The following ROPN1L variants were observed in gnomAD, a reference collection of about 807,000 sequenced individuals.
ROPN1L encodes the protein ropporin-1-like protein.
Under a neutral mutation model 22.7 loss-of-function variants are expected in ROPN1L, and 23 were observed. That is an observed-to-expected ratio of 1.01 (90% confidence interval 0.73 to 1.43). The LOEUF (loss-of-function observed/expected upper bound fraction) is 1.43. Ranked by LOEUF, ROPN1L falls within the 40% of genes most tolerant of loss-of-function variation. The pLI is 0.00. For synonymous variants in ROPN1L, 116 were observed against 117.8 expected (o/e 0.98, Z 0.10); for missense variants, 271 against 291.5 (o/e 0.93, Z 0.51).
chr5:10,461,781 C>T (rs1351177852), intron 4 of ROPN1L, among the ~76,000 whole-genome samples: 1 of 152,238 alleles, frequency 6.6e-6, no homozygotes, highest in Non-Finnish European at 1.5e-5. Context: ...GTTCACAGAA[C>T]TCAGGGAAAC....
downstream of ROPN1L, among the ~76,000 whole-genome samples, chr5:10,469,162 A>G (rs1398665272): frequency 6.7e-6 from 1 of 149,880 alleles, no homozygotes; most frequent in Non-Finnish European, 1.5e-5. Context: ...AAAAAAATAA[A>G]AATTAAATAA....
rs538341746 is a variant in ROPN1L, at chr5:10,446,403, A to C, written c.132-1857A>C. On this transcript the variant is annotated intron_variant, in intron 1 of 4. Transcript: ENST00000274134. ...GCCGGGTGCGGTGGCTCACGCCTGT[A>C]ATCCTAGCATTTTGGGAGGCTGAGG... 7.2e-5 allele frequency among the ~76,000 whole-genome samples: 11 copies of C among 152,282 alleles called. No individual in the cohort carries two copies. The South Asian group carries it at 2.3e-3, about 32-fold the overall frequency.
downstream of ROPN1L, among the ~76,000 whole-genome samples, chr5:10,467,099 C>T (rs1361826536): frequency 4.6e-5 from 7 of 152,040 alleles, no homozygotes; most frequent in African/African-American, 7.2e-5. Flanking sequence ...CTGGGGGTTC[C>T]GACTTCACCT....
downstream of ROPN1L, among the ~76,000 whole-genome samples, chr5:10,466,653 C>A (rs1337031330): frequency 6.6e-6 from 1 of 152,120 alleles, no homozygotes; most frequent in African/African-American, 2.4e-5. Flanking sequence ...TGTGATGAGG[C>A]CCGTCCCTGC....
At chr5:10,458,404 G>A (rs1243177491) in intron 3 of ROPN1L, among the ~76,000 whole-genome samples, 5 of 151,398 alleles carry the variant, frequency 3.3e-5, no homozygotes, top group South Asian at 2.1e-4. Flanking sequence ...CGTCCTGCTC[G>A]TATACACTAC....
chr5:10,477,067 T>C, the ROPN1L span, among the ~76,000 whole-genome samples: 2 of 152,236 alleles, frequency 1.3e-5, no homozygotes, highest in African/African-American at 4.8e-5. Context: ...AATATGAAAA[T>C]GAGTGAGTGT....
chr5:10,453,424 T>C (rs1461051490), intron 3 of ROPN1L, among the ~76,000 whole-genome samples: 1 of 152,136 alleles, frequency 6.6e-6, no homozygotes, highest in African/African-American at 2.4e-5. Context: ...GGAGGTGTGC[T>C]AAGAACACAA....
downstream of ROPN1L, among the ~76,000 whole-genome samples, chr5:10,469,849 A>G (rs929290861): frequency 2.0e-5 from 3 of 152,242 alleles, no homozygotes; most frequent in African/African-American, 7.2e-5. Context: ...CTTACCCAGC[A>G]TGGTGGAGTT....
intron 3 of ROPN1L, among the ~76,000 whole-genome samples, chr5:10,450,796 G>A (rs35055152): frequency 1.3e-5 from 2 of 152,292 alleles, no homozygotes; most frequent in South Asian, 2.1e-4. Flanking sequence ...GAGCCACCGC[G>A]CCGGCCTTAG....
chr5:10,454,145 G>A (rs1415504583), intron 3 of ROPN1L, among the ~76,000 whole-genome samples: 1 of 149,892 alleles, frequency 6.7e-6, no homozygotes, highest in Non-Finnish European at 1.5e-5. Flanking sequence ...TTTTTTTTAA[G>A]AGACAGGGTC....
intron 1 of ROPN1L, among the ~76,000 whole-genome samples, chr5:10,446,372 C>T (rs745455995): frequency 5.9e-5 from 9 of 152,136 alleles, no homozygotes; most frequent in Non-Finnish European, 1.0e-4. Context: ...TCAAAAATGT[C>T]TCCAGGCCGG....
At position 10,459,020 on chromosome 5, in the gene ROPN1L, G is replaced by T. The variant is rs375730664; in HGVS notation, c.418-2164G>T. The stretch of plus-strand genomic sequence containing the variant: ...TCGCCCATGCTCCCAAGTCTCCTCC[G>T]TGAGCGCTAGGCCTACTAAGTAGCC... On this transcript the variant is annotated intron_variant, in intron 3 of 4. Transcript: ENST00000274134. 3.6e-5 allele frequency among the ~76,000 whole-genome samples: 5 copies of T among 138,168 alleles called. No homozygotes were observed. The South Asian group carries it at 9.2e-4, about 26-fold the overall frequency. The allele number at this position is 138,168 out of a possible 152,430, so 90.6% of individuals were successfully genotyped here. A position where few individuals can be genotyped will look rare whatever the true frequency, so the allele number is the denominator to read the frequency against.
chr5:10,465,747 G>A (rs1188224607), downstream of ROPN1L, among the ~76,000 whole-genome samples: 1 of 151,958 alleles, frequency 6.6e-6, no homozygotes, highest in African/African-American at 2.4e-5. Flanking sequence ...AGCTACTCAG[G>A]AGGCTGAGGC....
At position 10,462,096 on chromosome 5, in the gene ROPN1L, C is replaced by T. The variant is rs6884445; in HGVS notation, c.593+737C>T. On this transcript the variant is annotated intron_variant, in intron 4 of 4. Transcript: ENST00000274134. The stretch of plus-strand genomic sequence containing the variant: ...CCTAAGCCATCAGCCCCTCTCCCCA[C>T]CTCCAAGGTTGGGCTGGGCTGAAAG... Among the ~76,000 whole-genome samples the T allele has an allele frequency of 2.5e-3, 387 of 152,326 alleles. 5 individuals are homozygous for T. Among genetic ancestry groups the T allele is most frequent in the African/African-American group, 8.8e-3 (365 of 41,564 alleles).
intron 3 of ROPN1L, among the ~76,000 whole-genome samples, chr5:10,456,923 G>A (rs993880644): frequency 5.9e-5 from 9 of 152,084 alleles, no homozygotes; most frequent in African/African-American, 1.4e-4. Context: ...CTTCCTTTCC[G>A]ACTCATCCTT....
chr5:10,454,765 G>T (rs2126448678), intron 3 of ROPN1L, among the ~76,000 whole-genome samples: 1 of 152,334 alleles, frequency 6.6e-6, no homozygotes, highest in East Asian at 1.9e-4. Flanking sequence ...GTTTAACCGG[G>T]TGCGGGAGTG....
At chr5:10,474,903 C>T (rs1465498451), downstream of ROPN1L, among the ~76,000 whole-genome samples, 1 of 151,590 alleles carries the variant, frequency 6.6e-6, no homozygotes, top group East Asian at 2.0e-4. Flanking sequence ...ATTTTAAAGT[C>T]ATGTTTTGAG....
At chr5:10,444,351 C>T (rs1027484414) in intron 1 of ROPN1L, among the ~76,000 whole-genome samples, 4 of 151,994 alleles carry the variant, frequency 2.6e-5, no homozygotes, top group South Asian at 2.1e-4. Flanking sequence ...AGTGCAATGG[C>T]GAGATCTCGG....
intron 3 of ROPN1L, among the ~76,000 whole-genome samples, chr5:10,452,313 G>C (rs868031160): frequency 1.4e-4 from 20 of 140,814 alleles, no homozygotes; most frequent in Non-Finnish European, 1.9e-4. Context: ...GTGTGTGTGT[G>C]TCTGTGTGTG....
Sources: allele counts gnomAD v4.1 joint callset (sites outside exome capture counted in the v4.1 genomes callset), GRCh38; gene constraint gnomAD v4.1.1; transcripts MANE v1.5; gene names NCBI Gene and HGNC (gene_info 2026-07-23, HGNC 2026-07-21).